Variants in GALNT10 observed in about 807,000 individuals in gnomAD.
GALNT10 encodes the protein polypeptide N-acetylgalactosaminyltransferase 10.
In GALNT10, 41 loss-of-function variants were observed where a neutral mutation model predicts 75.0. The ratio of observed to expected loss-of-function variants is 0.55; its 90% CI spans 0.43 to 0.71. GALNT10 has a LOEUF of 0.71. GALNT10 is among the 30% of genes least tolerant of loss of function. The probability of loss-of-function intolerance (pLI) is 0.00; values close to 1 mark genes in which losing one functional copy is unlikely to be tolerated. For synonymous variants in GALNT10, 302 were observed against 313.0 expected, an observed-to-expected ratio of 0.96 and a Z score of 0.37; for missense variants, 727 against 818.5, an observed-to-expected ratio of 0.89 and a Z score of 1.36.
chr5:154,233,456 T>G (rs1392452433), intron 1 of GALNT10, among the ~76,000 whole-genome samples: 3 of 152,234 alleles, frequency 2.0e-5, no homozygotes, highest in Non-Finnish European at 4.4e-5. Flanking sequence ...CATTGTGCTG[T>G]CTCTGCAAGG....
intron 1 of GALNT10, among the ~76,000 whole-genome samples, chr5:154,277,630 G>A (rs1342317202): frequency 6.6e-6 from 1 of 152,154 alleles, no homozygotes; most frequent in Non-Finnish European, 1.5e-5. Context: ...GGCTTTTGGA[G>A]AAATCTGCAT....
intron 1 of GALNT10, among the ~76,000 whole-genome samples, chr5:154,210,765 G>A (rs1430800482): frequency 6.6e-6 from 1 of 152,166 alleles, no homozygotes; most frequent in African/African-American, 2.4e-5. Flanking sequence ...AGACATAAAG[G>A]ACATTATTGG....
chr5:154,293,613 A>ATATATATATATATATATTTTTT, intron 1 of GALNT10, among the ~76,000 whole-genome samples: 2 of 109,358 alleles, frequency 1.8e-5, no homozygotes, highest in African/African-American at 8.5e-5. Flanking sequence ...ATATATATAT[A>ATATATATATATATATATTTTTT]TTTTTTTTTT....
intron 1 of GALNT10, among the ~76,000 whole-genome samples, chr5:154,218,372 G>A (rs1404557352): frequency 3.3e-5 from 5 of 152,174 alleles, no homozygotes; most frequent in African/African-American, 4.8e-5. Flanking sequence ...GTGAAGAGCC[G>A]TGGAATGAAT....
intron 3 of GALNT10, among the ~76,000 whole-genome samples, chr5:154,318,276 G>A (rs192317618): frequency 1.3e-5 from 2 of 152,280 alleles, no homozygotes; most frequent in Non-Finnish European, 2.9e-5. Flanking sequence ...GGTCCAGCTG[G>A]GACCTCAGTT....
At chr5:154,345,916 G>A (rs1335106929) in intron 4 of GALNT10, among the ~76,000 whole-genome samples, 1 of 149,806 alleles carries the variant, frequency 6.7e-6, no homozygotes, top group East Asian at 2.0e-4. Context: ...AAGTGCCTGG[G>A]ACTACAGTTG....
chr5:154,219,842 A>T (rs1311189202), intron 1 of GALNT10, among the ~76,000 whole-genome samples: 76 of 146,186 alleles, frequency 5.2e-4, no homozygotes, highest in African/African-American at 1.2e-3. Context: ...TCTCTCTCAC[A>T]CACACACACA....
intron 1 of GALNT10, among the ~76,000 whole-genome samples, chr5:154,267,063 C>G (rs1010760362): frequency 2.0e-5 from 3 of 152,148 alleles, no homozygotes; most frequent in Non-Finnish European, 4.4e-5. Context: ...ACAGTGAGTT[C>G]ATGCTGGATA....
chr5:154,264,045 G>T (rs1317088475), intron 1 of GALNT10, among the ~76,000 whole-genome samples: 2 of 152,116 alleles, frequency 1.3e-5, no homozygotes, highest in Non-Finnish European at 2.9e-5. Flanking sequence ...GGGTGTGATG[G>T]CTTATACCTG....
At chr5:154,255,269 A>AGAC (rs1753589561) in intron 1 of GALNT10, among the ~76,000 whole-genome samples, 3 of 152,138 alleles carry the variant, frequency 2.0e-5, no homozygotes, top group Non-Finnish European at 4.4e-5. Context: ...ATCAAGGTAT[A>AGAC]TCCCTCAATT....
chr5:154,280,159 A>C (rs1754018362), intron 1 of GALNT10, among the ~76,000 whole-genome samples: 1 of 152,372 alleles, frequency 6.6e-6, no homozygotes, highest in South Asian at 2.1e-4. Flanking sequence ...AACCAGGCAC[A>C]GAAAGACAAA....
chr5:154,302,626 G>T (rs933891393), intron 3 of GALNT10, among the ~76,000 whole-genome samples: 1 of 152,166 alleles, frequency 6.6e-6, no homozygotes, highest in African/African-American at 2.4e-5. Context: ...ATTATCCATG[G>T]ATATCCAGGA....
chr5:154,304,435 A>C lies in GALNT10; in HGVS notation c.401+6356A>C, dbSNP rs115266344. ...GATAAGAGGAGAATTCTTGTTGTAA[A>C]CAGTACAAAGAAGAATATGGTGTAG... On this transcript the variant is annotated intron_variant, in intron 3 of 11. Transcript: ENST00000297107. Among the ~76,000 whole-genome samples the C allele has an allele frequency of 5.8e-3, 882 of 152,338 alleles. 13 individuals are homozygous for C. The highest frequency in any genetic ancestry group is 0.02 in the African/African-American group (822 of 41,586).
intron 1 of GALNT10, among the ~76,000 whole-genome samples, chr5:154,215,660 G>T (rs1038722074): frequency 6.6e-6 from 1 of 152,174 alleles, no homozygotes; most frequent in African/African-American, 2.4e-5. Context: ...AAGATAGACA[G>T]CAAAAGAATA....
intron 1 of GALNT10, among the ~76,000 whole-genome samples, chr5:154,210,021 A>C (rs1180847474): frequency 6.6e-6 from 1 of 152,210 alleles, no homozygotes; most frequent in Non-Finnish European, 1.5e-5. Context: ...AAAGTTATTT[A>C]AAAAGCCTGT....
chr5:154,329,638 G>A lies in GALNT10; in HGVS notation c.468G>A (p.Glu156=), dbSNP rs1254666068. The A allele has an allele frequency of 6.2e-7, 1 of 1,613,626 alleles. No individual in the cohort carries two copies. Among genetic ancestry groups the A allele is most frequent in the Non-Finnish European group, 8.5e-7 (1 of 1,179,590 alleles). ...GCATCATCATCCCCTTCCACAACGA[G>A]GGCTGGTCCTCCCTCCTCCGCACCG... ...NTSIIIPFHN[E]GWSSLLRTVH... Residue 156 remains glutamate (E), a synonymous_variant, in exon 4 of 12, where the codon GAG becomes GAA. Transcript: ENST00000297107.
intron 3 of GALNT10, among the ~76,000 whole-genome samples, chr5:154,312,816 T>C (rs912124390): frequency 6.6e-6 from 1 of 152,260 alleles, no homozygotes; most frequent in Non-Finnish European, 1.5e-5. Context: ...GGCAGCTCAC[T>C]GGGATGTGAG....
chr5:154,357,373 T>G (rs934281098), intron 4 of GALNT10, among the ~76,000 whole-genome samples: 2 of 152,204 alleles, frequency 1.3e-5, no homozygotes, highest in Non-Finnish European at 2.9e-5. Flanking sequence ...AGTATATATA[T>G]ATCAAAATGT....
chr5:154,385,269 C>T (rs1041461205), intron 6 of GALNT10, among the ~76,000 whole-genome samples: 13 of 152,178 alleles, frequency 8.5e-5, no homozygotes, highest in Non-Finnish European at 7.3e-5. Context: ...CAGTCTTGTG[C>T]GAGATACCCT....
Sources: allele counts gnomAD v4.1 joint callset (sites outside exome capture counted in the v4.1 genomes callset), GRCh38; gene constraint gnomAD v4.1.1; transcripts MANE v1.5; gene names NCBI Gene and HGNC (gene_info 2026-07-23, HGNC 2026-07-21).